ARL15: variants seen among roughly 807,000 people sequenced by gnomAD.
ARL15 encodes ARF like GTPase 15, also known as ADP-ribosylation factor-like protein 15.
ARL15 carries 19 observed loss-of-function variants against 25.2 expected under a neutral mutation model. The observed-to-expected ratio is 0.75, with a 90% confidence interval of 0.53 to 1.10. The LOEUF (loss-of-function observed/expected upper bound fraction) is 1.10. Among genes scored for constraint, ARL15 ranks in the 50% least tolerant of loss-of-function variants. The pLI is 0.00. For missense variants in ARL15, 220 were observed against 246.0 expected, an observed-to-expected ratio of 0.89 and a Z score of 0.71; for synonymous variants, 94 against 86.8, an observed-to-expected ratio of 1.08 and a Z score of -0.46.
chr5:54,238,492 G>C (rs554780399), intron 1 of ARL15, among the ~76,000 whole-genome samples: 1 of 152,100 alleles, frequency 6.6e-6, no homozygotes, highest in African/African-American at 2.4e-5. Context: ...TTTGAGTCTC[G>C]CAGGATGCCC....
chr5:54,069,444 G>A (rs1751347855), intron 4 of ARL15, among the ~76,000 whole-genome samples: 1 of 150,816 alleles, frequency 6.6e-6, no homozygotes, highest in Non-Finnish European at 1.5e-5. Context: ...GATGGCGAGT[G>A]TCTGTAGTCC....
chr5:54,224,406 T>C (rs1162985072), intron 1 of ARL15, among the ~76,000 whole-genome samples: 2 of 152,190 alleles, frequency 1.3e-5, no homozygotes, highest in Non-Finnish European at 2.9e-5. Context: ...AATCCAAGTA[T>C]ACGAGGCCAG....
chr5:54,256,452 C>T (rs1217775194), intron 1 of ARL15, among the ~76,000 whole-genome samples: 7 of 131,308 alleles, frequency 5.3e-5, no homozygotes. Context: ...AAAAAAATCA[C>T]AGGGCCAGGC....
intron 1 of ARL15, among the ~76,000 whole-genome samples, chr5:54,228,986 T>C (rs1404735090): frequency 6.6e-6 from 1 of 152,148 alleles, no homozygotes; most frequent in East Asian, 1.9e-4. Flanking sequence ...TTTATTCTAA[T>C]CCATGTTTCT....
intron 4 of ARL15, among the ~76,000 whole-genome samples, chr5:54,034,208 T>C (rs1474604950): frequency 6.6e-6 from 1 of 152,192 alleles, no homozygotes; most frequent in East Asian, 1.9e-4. Flanking sequence ...CATTAAGACG[T>C]TCCCATTGTT....
chr5:54,241,039 TAAAC>T (rs545047585), intron 1 of ARL15, among the ~76,000 whole-genome samples: 131 of 152,288 alleles, frequency 8.6e-4, no homozygotes, highest in African/African-American at 3.1e-3. Context: ...TGACAATAAA[TAAAC>T]AGTCATTTTA....
chr5:54,167,326 T>C (rs1392655387), intron 2 of ARL15, among the ~76,000 whole-genome samples: 1 of 152,212 alleles, frequency 6.6e-6, no homozygotes, highest in Non-Finnish European at 1.5e-5. Context: ...GGTCTCCCCT[T>C]GCTCTCGGCT....
At chr5:54,072,236 A>C (rs1316842196) in intron 4 of ARL15, among the ~76,000 whole-genome samples, 1 of 152,146 alleles carries the variant, frequency 6.6e-6, no homozygotes. Flanking sequence ...CCCCATCATC[A>C]GTCCTACCAT....
chr5:54,307,330 G>GA (rs1417034607), intron 1 of ARL15, among the ~76,000 whole-genome samples: 1 of 152,010 alleles, frequency 6.6e-6, no homozygotes, highest in Non-Finnish European at 1.5e-5. Context: ...AAAAACTGGT[G>GA]AAAAAAAGCA....
intron 4 of ARL15, among the ~76,000 whole-genome samples, chr5:53,893,107 C>T (rs1158688090): frequency 3.9e-5 from 6 of 151,976 alleles, no homozygotes; most frequent in African/African-American, 1.2e-4. Context: ...GTCACATTAG[C>T]GGAAAATATT....
chr5:54,173,195 A>AG (rs1579872510), intron 1 of ARL15, among the ~76,000 whole-genome samples: 2 of 150,284 alleles, frequency 1.3e-5, no homozygotes, highest in South Asian at 2.1e-4. Flanking sequence ...GAAAAAAAAA[A>AG]AAAAGAAAAG....
At chr5:54,163,448 G>A (rs922514492) in intron 2 of ARL15, among the ~76,000 whole-genome samples, 6 of 120,366 alleles carry the variant, frequency 5.0e-5, no homozygotes, top group African/African-American at 1.9e-4. Context: ...TAGGAGTTGG[G>A]GCATTTTTCC....
At chr5:54,064,162 C>T (rs1364994113) in intron 4 of ARL15, among the ~76,000 whole-genome samples, 2 of 152,116 alleles carry the variant, frequency 1.3e-5, no homozygotes, top group South Asian at 2.1e-4. Context: ...AGCACTATTC[C>T]GCCTCTGTTT....
At chr5:54,098,003 T>C (rs1319060234) in intron 4 of ARL15, among the ~76,000 whole-genome samples, 3 of 152,164 alleles carry the variant, frequency 2.0e-5, no homozygotes, top group African/African-American at 7.2e-5. Flanking sequence ...CATAAAAAAG[T>C]ACAACGACCT....
rs573789574 is a variant in ARL15 at position 54,164,800 on chromosome 5, A to T, written c.193+6984T>A. On this transcript the variant is annotated intron_variant, in intron 2 of 4. Transcript: ENST00000504924. ...AGTATTTGGTTGGGTCTTGGTTTTT[A>T]AAAAAATCTATTATATCAACCTCTG... Among the ~76,000 whole-genome samples the T allele has an allele frequency of 1.4e-4, 22 of 152,044 alleles. No homozygotes were observed. In the East Asian group the frequency reaches 3.9e-3, roughly 27 times the overall value.
intron 4 of ARL15, among the ~76,000 whole-genome samples, chr5:53,919,723 G>A (rs1401075807): frequency 6.6e-6 from 1 of 152,114 alleles, no homozygotes; most frequent in Non-Finnish European, 1.5e-5. Flanking sequence ...AACCTTTATT[G>A]AGCACCTACT....
chr5:53,910,702 G>A (rs982440713), intron 4 of ARL15, among the ~76,000 whole-genome samples: 3 of 129,960 alleles, frequency 2.3e-5, no homozygotes, highest in Admixed American at 8.2e-5. Flanking sequence ...AATTATGCTC[G>A]AACAGCTTTT....
At chr5:54,196,666 T>C (rs1043005750) in intron 1 of ARL15, among the ~76,000 whole-genome samples, 1 of 152,066 alleles carries the variant, frequency 6.6e-6, no homozygotes, top group Non-Finnish European at 1.5e-5. Flanking sequence ...AACACAAACT[T>C]TTGGTTGTTA....
chr5:54,098,125 T>A (rs1752338918), intron 4 of ARL15, among the ~76,000 whole-genome samples: 1 of 152,180 alleles, frequency 6.6e-6, no homozygotes, highest in African/African-American at 2.4e-5. Flanking sequence ...TATAATTATT[T>A]CATAAATATC....
Sources: allele counts gnomAD v4.1 joint callset (sites outside exome capture counted in the v4.1 genomes callset), GRCh38; gene constraint gnomAD v4.1.1; transcripts MANE v1.5; gene names NCBI Gene and HGNC (gene_info 2026-07-23, HGNC 2026-07-21).